Variants in KIRREL3 observed in about 807,000 individuals in gnomAD.
KIRREL3 encodes kirre like nephrin family adhesion molecule 3.
In KIRREL3, 36 loss-of-function variants were observed where a neutral mutation model predicts 89.7. The ratio of observed to expected loss-of-function variants is 0.40; its 90% CI spans 0.31 to 0.53. The LOEUF is 0.53. Among genes scored for constraint, KIRREL3 ranks in the 20% least tolerant of loss-of-function variants. The pLI, the probability that KIRREL3 is intolerant of heterozygous loss-of-function variation, is 0.49. For missense variants in KIRREL3, 864 were observed against 1,056.6 expected, an observed-to-expected ratio of 0.82 and a Z score of 2.53; for synonymous variants, 445 against 441.4, an observed-to-expected ratio of 1.01 and a Z score of -0.10.
Position 126,613,893 on chromosome 11 carries a change from T to TTTTTTTTTTTTTTG in KIRREL3, c.56-50982_56-50981insCAAAAAAAAAAAAA, listed in dbSNP as rs371748740. On this transcript the variant is annotated intron_variant, in intron 1 of 16. Coordinates refer to ENST00000525144, the MANE Select transcript of KIRREL3 (RefSeq NM_032531.4). ...TTGCTTTTTTTTTTTTTTTTTTTTT[T>TTTTTTTTTTTTTTG]ATTTTTTTCCCCATAGCCTTTATCT... Among the ~76,000 whole-genome samples the TTTTTTTTTTTTTTG allele has an allele frequency of 1.1e-4, 13 of 118,642 alleles. 1 individual carries two copies. Among genetic ancestry groups the TTTTTTTTTTTTTTG allele is most frequent in the East Asian group, 2.6e-4 (1 of 3,846 alleles). 77.8% of individuals were successfully genotyped at this position (118,642 alleles called of 152,430 possible). A position where few individuals can be genotyped will look rare whatever the true frequency, so the allele number is the denominator to read the frequency against.
chr11:126,932,535 C>T (rs1947993949), intron 1 of KIRREL3, among the ~76,000 whole-genome samples: 1 of 152,164 alleles, frequency 6.6e-6, no homozygotes, highest in African/African-American at 2.4e-5. Context: ...AGGTTTTCGG[C>T]CCATACAGAA....
At chr11:126,827,685 T>A (rs1362894705) in intron 1 of KIRREL3, among the ~76,000 whole-genome samples, 1 of 152,238 alleles carries the variant, frequency 6.6e-6, no homozygotes, top group East Asian at 1.9e-4. Flanking sequence ...AGTGACTGCC[T>A]TAAAGTCGAT....
chr11:126,753,569 A>T (rs1024294986), intron 1 of KIRREL3, among the ~76,000 whole-genome samples: 5 of 152,234 alleles, frequency 3.3e-5, no homozygotes, highest in Non-Finnish European at 7.3e-5. Context: ...GTCTGTGTTG[A>T]TTCATTGACT....
intron 1 of KIRREL3, among the ~76,000 whole-genome samples, chr11:126,821,127 G>T (rs1943199557): frequency 6.6e-6 from 1 of 151,850 alleles, no homozygotes; most frequent in Non-Finnish European, 1.5e-5. Flanking sequence ...TTATCAGAAG[G>T]CTTTAGTGGA....
At chr11:126,646,750 C>A (rs930154060) in intron 1 of KIRREL3, among the ~76,000 whole-genome samples, 1 of 152,156 alleles carries the variant, frequency 6.6e-6, no homozygotes, top group Non-Finnish European at 1.5e-5. Context: ...GCTGGGATTA[C>A]AGGAGTGAGC....
Position 126,574,946 on chromosome 11 carries a change from A to G in KIRREL3, c.56-12034T>C, listed in dbSNP as rs1941175524. Among the ~76,000 whole-genome samples, 1 of 152,150 alleles carries G rather than the reference A, an allele frequency of 6.6e-6. No homozygotes were observed. The highest frequency in any genetic ancestry group is 2.4e-5 in the African/African-American group (1 of 41,436). ...CATGCTTACAAGGTTTTCGGTGCACATGGGAGGTGGGGATCAGTGTGTCTC... is the reference window on the plus strand; with the variant it reads ...CATGCTTACAAGGTTTTCGGTGCACGTGGGAGGTGGGGATCAGTGTGTCTC... On this transcript the variant is annotated intron_variant, in intron 1 of 16. Coordinates refer to ENST00000525144, the MANE Select transcript of KIRREL3 (RefSeq NM_032531.4). This position sits in a 1 kb window ranked among gnomAD's most constrained non-coding sequence, Gnocchi z 5.3.
rs149992545 is a variant in KIRREL3 at position 126,959,421 on chromosome 11, T to C, written c.55+41034A>G. ...TTTTTCTGGAAACCCCTGACTCTTA[T>C]ACCCCTAAATGTTGTTGTTGTTGTT... On this transcript the variant is annotated intron_variant, in intron 1 of 16. Coordinates refer to ENST00000525144, the MANE Select transcript of KIRREL3 (RefSeq NM_032531.4). 3.5e-4 allele frequency among the ~76,000 whole-genome samples: 54 copies of C among 152,314 alleles called. No homozygotes were observed. In the East Asian group the frequency reaches 8.1e-3, roughly 23 times the overall value.
intron 1 of KIRREL3, among the ~76,000 whole-genome samples, chr11:126,961,504 A>C (rs1192178138): frequency 1.3e-5 from 2 of 152,234 alleles, no homozygotes; most frequent in Non-Finnish European, 2.9e-5. Context: ...GTCTTAAATT[A>C]TATGAAGGCT....
At chr11:126,721,643 G>T (rs1948175641) in intron 1 of KIRREL3, among the ~76,000 whole-genome samples, 1 of 152,220 alleles carries the variant, frequency 6.6e-6, no homozygotes, top group Admixed American at 6.5e-5. Flanking sequence ...AAAGAAGCCT[G>T]CTCAAGAGGA....
In KIRREL3 at chr11:126,904,106, TATG is replaced by T; in HGVS notation, c.55+96346_55+96348del. On this transcript the variant is annotated intron_variant, in intron 1 of 16. Transcript: ENST00000525144. The surrounding 1 kb of genome is among the most constrained non-coding windows in gnomAD (Gnocchi z 4.4). ...AAGGTCCTTTCCAACTCTAAATTGC[TATG>T]ATTTTATGAAGATGGCATAGAAAAA... Among the ~76,000 whole-genome samples, 1 of 152,300 alleles carries T rather than the reference TATG, an allele frequency of 6.6e-6. No homozygotes were observed. Among genetic ancestry groups the T allele is most frequent in the East Asian group, 1.9e-4 (1 of 5,178 alleles).
intron 1 of KIRREL3, among the ~76,000 whole-genome samples, chr11:126,730,483 A>G (rs1948572949): frequency 6.6e-6 from 1 of 152,170 alleles, no homozygotes; most frequent in African/African-American, 2.4e-5. Context: ...ATTCCATACT[A>G]CATAAGTTTG....
At chr11:126,504,318 C>A (rs1957954836) in intron 4 of KIRREL3, among the ~76,000 whole-genome samples, 1 of 152,180 alleles carries the variant, frequency 6.6e-6, no homozygotes, top group African/African-American at 2.4e-5. Context: ...CTCTTCTCAA[C>A]CTAGCAGCCA....
chr11:126,929,202 A>G (rs1784312), intron 1 of KIRREL3, among the ~76,000 whole-genome samples: 94,730 of 151,956 alleles, frequency 0.62, 30,689 homozygotes, highest in Middle Eastern at 0.84. Flanking sequence ...ATAGAATTTT[A>G]AGGAGGACAG....
At chr11:126,901,303 T>C (rs1392875831) in intron 1 of KIRREL3, among the ~76,000 whole-genome samples, 1 of 151,926 alleles carries the variant, frequency 6.6e-6, no homozygotes, top group African/African-American at 2.4e-5. Flanking sequence ...TTTTAGGTGC[T>C]TAGCTCTCAC....
intron 1 of KIRREL3, among the ~76,000 whole-genome samples, chr11:126,700,990 A>C (rs1947293259): frequency 6.6e-6 from 1 of 152,176 alleles, no homozygotes. Context: ...AGAACCCACA[A>C]AGCCAGCCCA....
rs139833562 is a variant in KIRREL3, at chr11:126,802,313, C to A, written c.55+198142G>T. Among the ~76,000 whole-genome samples, 37 of 152,234 alleles carry A rather than the reference C, an allele frequency of 2.4e-4. No homozygotes were observed. The highest frequency in any genetic ancestry group is 7.9e-4 in the African/African-American group (33 of 41,548). Reference sequence around the variant, plus strand: ...GGGGGCAGAAACAAAGGAAAAGCAGCCCAGGGAGATGGCGTTAGTGCCAGG... The same window carrying A: ...GGGGGCAGAAACAAAGGAAAAGCAGACCAGGGAGATGGCGTTAGTGCCAGG... On this transcript the variant is annotated intron_variant, in intron 1 of 16. Coordinates refer to ENST00000525144, the MANE Select transcript of KIRREL3 (RefSeq NM_032531.4). The surrounding 1 kb of genome is among the most constrained non-coding windows in gnomAD (Gnocchi z 5.2).
chr11:126,527,964 C>T lies in KIRREL3; in HGVS notation c.134-1277G>A, dbSNP rs1482112304. Among the ~76,000 whole-genome samples the T allele has an allele frequency of 6.6e-6, 1 of 152,186 alleles. No individual in the cohort carries two copies. The highest frequency in any genetic ancestry group is 2.4e-5 in the African/African-American group (1 of 41,434). On this transcript the variant is annotated intron_variant, in intron 2 of 16. Coordinates refer to ENST00000525144, the MANE Select transcript of KIRREL3 (RefSeq NM_032531.4). The surrounding 1 kb of genome is among the most constrained non-coding windows in gnomAD (Gnocchi z 4.2). ...CTGAGCATCTGGCCCACAGTACAAC[C>T]AGTACTTCATACAACCCCTCCTGTA...
chr11:126,999,378 C>G lies in KIRREL3; in HGVS notation c.55+1077G>C, dbSNP rs534550764. Among the ~76,000 whole-genome samples, 2 of 152,340 alleles carry G rather than the reference C, an allele frequency of 1.3e-5. No individual in the cohort carries two copies. The highest frequency in any genetic ancestry group is 2.1e-4 in the South Asian group (1 of 4,826). ...TGGCTTCTCCCCGACAGGGGAGAAA[C>G]AGAAGACATGCTGTTTGCTTGCAAA... On this transcript the variant is annotated intron_variant, in intron 1 of 16. Coordinates refer to ENST00000525144, the MANE Select transcript of KIRREL3 (RefSeq NM_032531.4). The surrounding 1 kb of genome is among the most constrained non-coding windows in gnomAD (Gnocchi z 5.7).
chr11:126,895,939 C>T (rs952606052), intron 1 of KIRREL3, among the ~76,000 whole-genome samples: 6 of 152,174 alleles, frequency 3.9e-5, no homozygotes, highest in African/African-American at 7.2e-5. Context: ...GAAACTGCAG[C>T]GGTGTTGTCA....
Sources: gnomAD v4.1 joint callset for allele counts (sites outside exome capture counted in the v4.1 genomes callset) on GRCh38, gnomAD v4.1.1 for gene constraint, Gnocchi (gnomAD v3.1) non-coding constraint, MANE v1.5 for transcripts, NCBI Gene and HGNC (gene_info 2026-07-23, HGNC 2026-07-21) for gene names.